The following FGF14 variants were observed in gnomAD, a reference collection of about 807,000 sequenced individuals.
The protein encoded by FGF14 is fibroblast growth factor 14.
A neutral mutation model predicts 25.5 loss-of-function variants in FGF14; 5 were observed. The observed-to-expected ratio is 0.20, with a 90% CI of 0.10 to 0.41. The LOEUF (loss-of-function observed/expected upper bound fraction) is 0.41, where lower values mean the gene tolerates loss of function less well. Among genes scored for constraint, FGF14 ranks in the 10% least tolerant of loss-of-function variants. The pLI, the probability that FGF14 is intolerant of heterozygous loss-of-function variation, is 1.00. For synonymous variants in FGF14, 138 were observed against 118.3 expected (o/e 1.17, Z -1.08); for missense variants, 222 against 320.1 (o/e 0.69, Z 2.34).
rs926407797 is a variant in FGF14, at chr13:102,225,927, G to A, written c.208+175544C>T. 2.6e-5 allele frequency among the ~76,000 whole-genome samples: 4 copies of A among 152,236 alleles called. No individual in the cohort carries two copies. The South Asian group carries it at 6.2e-4, about 24-fold the overall frequency. On this transcript the variant is annotated intron_variant, in intron 1 of 4. Transcript: ENST00000376131. ...TTGAGATAGTCCCTGAGCTGAGGTC[G>A]TGGCCGCATATTTATTCATTGTTTC... is the stretch of plus-strand genomic sequence containing the variant.
At chr13:101,802,222 G>A in intron 3 of FGF14, 1 of 260,052 alleles carries the variant, frequency 3.8e-6, no homozygotes, top group Non-Finnish European at 7.7e-6. Flanking sequence ...GGCATCCGTG[G>A]CAAAAAGCTG....
intron 1 of FGF14, among the ~76,000 whole-genome samples, chr13:102,029,106 G>C (rs944170144): frequency 1.3e-5 from 2 of 152,004 alleles, no homozygotes; most frequent in Non-Finnish European, 2.9e-5. Flanking sequence ...TCGCTGGCTT[G>C]GAAATCATCC....
At chr13:102,299,680 G>C (rs1460257399) in intron 1 of FGF14, 1 of 152,174 alleles carries the variant, frequency 6.6e-6, no homozygotes, top group Non-Finnish European at 1.5e-5. Context: ...CCCCGGAAGC[G>C]AGGTCTCAGG....
chr13:102,049,361 G>T (rs1412719602), intron 1 of FGF14, among the ~76,000 whole-genome samples: 2 of 151,934 alleles, frequency 1.3e-5, no homozygotes, highest in African/African-American at 4.8e-5. Flanking sequence ...ATTATTCCAG[G>T]ACTGAGCACC....
intron 1 of FGF14, among the ~76,000 whole-genome samples, chr13:102,034,032 A>G (rs1231453980): frequency 6.6e-6 from 1 of 152,120 alleles, no homozygotes; most frequent in Non-Finnish European, 1.5e-5. Flanking sequence ...TGTGTTTGCC[A>G]TGATTTCAAC....
intron 1 of FGF14, among the ~76,000 whole-genome samples, chr13:102,368,922 A>G (rs998546694): frequency 2.0e-5 from 3 of 152,182 alleles, no homozygotes; most frequent in African/African-American, 7.2e-5. Context: ...ATAAACATGA[A>G]TAATAATAAT....
intron 1 of FGF14, among the ~76,000 whole-genome samples, chr13:102,091,925 A>C (rs1458952506): frequency 1.3e-5 from 2 of 152,200 alleles, no homozygotes; most frequent in Admixed American, 1.3e-4. Context: ...ACCTCTACTG[A>C]ATATTGTCAA....
At chr13:102,393,264 T>C (rs1413371640) in intron 1 of FGF14, among the ~76,000 whole-genome samples, 1 of 152,194 alleles carries the variant, frequency 6.6e-6, no homozygotes, top group Non-Finnish European at 1.5e-5. Context: ...CTTTTGTCTT[T>C]CCTGCTAATT....
At chr13:102,211,384 T>C (rs1594426050) in intron 1 of FGF14, among the ~76,000 whole-genome samples, 1 of 152,342 alleles carries the variant, frequency 6.6e-6, no homozygotes, top group South Asian at 2.1e-4. Context: ...CTTGCTCTGT[T>C]GTAAATTTGC....
chr13:101,860,358 C>T (rs144509534), intron 3 of FGF14, among the ~76,000 whole-genome samples: 125 of 152,104 alleles, frequency 8.2e-4, no homozygotes, highest in African/African-American at 2.9e-3. Context: ...GCCAACTCAT[C>T]TGGTTAATGG....
At chr13:101,870,971 A>ATACATACATACATAC (rs530929700) in intron 2 of FGF14, among the ~76,000 whole-genome samples, 36 of 141,682 alleles carry the variant, frequency 2.5e-4, no homozygotes, top group Non-Finnish European at 4.0e-4. Flanking sequence ...TAAATAAATA[A>ATACATACATACATAC]ATAAATACAT....
rs1167440849 is a variant in FGF14, at chr13:102,231,005, C to A, written c.208+170466G>T. Among the ~76,000 whole-genome samples, 3 of 152,262 alleles carry A rather than the reference C, an allele frequency of 2.0e-5. No homozygotes were observed. The East Asian group carries it at 5.8e-4, about 29-fold the overall frequency. On this transcript the variant is annotated intron_variant, in intron 1 of 4. Coordinates refer to the FGF14 transcript ENST00000376131. ...AGGTAGTAAGTGGAGAAGATGGAAT[C>A]TGACGTGGGGTATCTTGATTCAAAA...
At chr13:101,958,788 A>G (rs2036662972) in intron 1 of FGF14, among the ~76,000 whole-genome samples, 2 of 152,218 alleles carry the variant, frequency 1.3e-5, no homozygotes. Context: ...AAGCAAGGGT[A>G]TTTTATAACG....
At chr13:102,186,164 G>A (rs1267805003) in intron 1 of FGF14, among the ~76,000 whole-genome samples, 1 of 152,010 alleles carries the variant, frequency 6.6e-6, no homozygotes, top group Admixed American at 6.6e-5. Context: ...AAAACAGAAA[G>A]CAGCTACTCT....
chr13:101,992,320 C>T (rs1430696679), intron 1 of FGF14, among the ~76,000 whole-genome samples: 1 of 152,104 alleles, frequency 6.6e-6, no homozygotes, highest in East Asian at 1.9e-4. Flanking sequence ...ACAGTAAACA[C>T]AGCATGTTAG....
At position 101,765,793 on chromosome 13, in the gene FGF14, G is replaced by A. The variant is rs145361817; in HGVS notation, c.409-38983C>T. On this transcript the variant is annotated intron_variant, in intron 3 of 4. Coordinates refer to ENST00000376143, the MANE Select transcript of FGF14 (RefSeq NM_004115.4). ...CGCCCAGGCTGGAGTACAGTGGTGC[G>A]ATCTCGGCTCACTGCAACCTCTGCT... Among the ~76,000 whole-genome samples, 151 of 151,938 alleles carry A rather than the reference G, an allele frequency of 9.9e-4. 1 individual carries two copies. The highest frequency in any genetic ancestry group is 3.6e-3 in the African/African-American group (148 of 41,466).
At chr13:101,914,432 G>C (rs949032670) in intron 1 of FGF14, among the ~76,000 whole-genome samples, 6 of 151,830 alleles carry the variant, frequency 4.0e-5, no homozygotes, top group Non-Finnish European at 7.4e-5. Context: ...TCCTTATAAC[G>C]TATCTTCCCT....
At chr13:101,895,875 A>C (rs1476383777) in intron 1 of FGF14, among the ~76,000 whole-genome samples, 1 of 152,216 alleles carries the variant, frequency 6.6e-6, no homozygotes, top group Non-Finnish European at 1.5e-5. Context: ...GTAAATGGTC[A>C]CGTTTCCTGG....
intron 1 of FGF14, among the ~76,000 whole-genome samples, chr13:101,950,751 G>GTTTTTTTTTT (rs61285721): frequency 1.7e-4 from 23 of 131,972 alleles, no homozygotes; most frequent in Non-Finnish European, 2.4e-4. Context: ...ACCTAATCAT[G>GTTTTTTTTTT]TTTTTTTTTT....
Sources: gnomAD v4.1 joint callset for allele counts (sites outside exome capture counted in the v4.1 genomes callset) on GRCh38, gnomAD v4.1.1 for gene constraint, MANE v1.5 for transcripts, NCBI Gene and HGNC (gene_info 2026-07-23, HGNC 2026-07-21) for gene names.